Variants in TGFBI observed in about 807,000 individuals in gnomAD.
The protein encoded by TGFBI is transforming growth factor-beta-induced protein ig-h3.
A neutral mutation model predicts 73.7 loss-of-function variants in TGFBI; 50 were observed. That is an observed-to-expected ratio of 0.68 (90% confidence interval 0.54 to 0.86). The LOEUF is 0.86. Among genes scored for constraint, TGFBI ranks in the 40% least tolerant of loss-of-function variants. The pLI, the probability that TGFBI is intolerant of heterozygous loss-of-function variation, is 0.00. For synonymous variants in TGFBI, 362 were observed against 360.5 expected (o/e 1.00, Z -0.05); for missense variants, 839 against 877.0 (o/e 0.96, Z 0.55).
chr5:136,033,180 A>T (rs1438112207), intron 1 of TGFBI, among the ~76,000 whole-genome samples: 1 of 152,122 alleles, frequency 6.6e-6, no homozygotes, highest in East Asian at 1.9e-4. Flanking sequence ...ACATCAAATA[A>T]GGACCGTATC....
In TGFBI at chr5:136,052,980, C is replaced by A. The variant is rs761165775; in HGVS notation, c.987C>A (p.Thr329=). 5.6e-6 allele frequency: 9 copies of A among 1,613,978 alleles called. No individual in the cohort carries two copies. The South Asian group carries it at 8.8e-5, about 16-fold the overall frequency. Residue 329 remains threonine (T), a synonymous_variant, in exon 8 of 17, where the codon ACC becomes ACA. Transcript: ENST00000442011. ...EAIVAGLSVE[T]LEGTTLEVGC... is the part of the protein sequence containing the mutation. Reference sequence around the variant, plus strand: ...TCGTTGCGGGGCTGTCTGTAGAGACCCTGGAGGGCACGACACTGGAGGTGG... The same window carrying A: ...TCGTTGCGGGGCTGTCTGTAGAGACACTGGAGGGCACGACACTGGAGGTGG...
At chr5:136,036,847 G>A (rs1176314777) in intron 2 of TGFBI, among the ~76,000 whole-genome samples, 1 of 152,326 alleles carries the variant, frequency 6.6e-6, no homozygotes, top group African/African-American at 2.4e-5. Context: ...GAGCAGAGGT[G>A]TATGTTGGGA....
rs372638106 is a variant in TGFBI at position 136,053,139 on chromosome 5, G to C, written c.1126+20G>C. ...ACTCAGGTAGGCCAGGCCTCCGGGGGCCTTGGCCCTGCCTGGCCCACCATC... is the reference window on the plus strand; with the variant it reads ...ACTCAGGTAGGCCAGGCCTCCGGGGCCCTTGGCCCTGCCTGGCCCACCATC... On this transcript the variant is annotated intron_variant, in intron 8 of 16. Transcript: ENST00000442011. 5.5e-5 allele frequency: 88 copies of C among 1,609,516 alleles called. No individual in the cohort carries two copies. Among genetic ancestry groups the C allele is most frequent in the Non-Finnish European group, 6.9e-5 (81 of 1,176,812 alleles).
At chr5:136,058,865 G>A (rs1398216686) in intron 12 of TGFBI, 6 of 470,474 alleles carry the variant, frequency 1.3e-5, no homozygotes, top group Non-Finnish European at 2.2e-5. Flanking sequence ...TGACTGCTGG[G>A]GCAGATTTGT....
chr5:136,049,802 T>C, intron 7 of TGFBI: 1 of 516,680 alleles, frequency 1.9e-6, no homozygotes, highest in South Asian at 2.7e-5. Context: ...AGCTTTTGTC[T>C]GGGAGAGCTG....
intron 3 of TGFBI, among the ~76,000 whole-genome samples, chr5:136,045,184 A>T (rs1408040411): frequency 6.6e-6 from 1 of 152,172 alleles, no homozygotes; most frequent in Non-Finnish European, 1.5e-5. Flanking sequence ...AGAGGGGACG[A>T]TCACCTGAGC....
chr5:136,061,174 T>G, intron 14 of TGFBI: 3 of 581,798 alleles, frequency 5.2e-6, no homozygotes, highest in Non-Finnish European at 9.3e-6. Flanking sequence ...TTAGCTCCCC[T>G]CGGACACAGC....
intron 8 of TGFBI, among the ~76,000 whole-genome samples, 177 bp from the exon 9 acceptor site, chr5:136,053,766 A>G (rs1397561713): frequency 6.6e-6 from 1 of 151,948 alleles, no homozygotes; most frequent in Non-Finnish European, 1.5e-5. Flanking sequence ...GACTGGTTAG[A>G]TTTTCTAGGT....
chr5:136,043,142 G>A lies in TGFBI; in HGVS notation c.234-916G>A, dbSNP rs45512102. On this transcript the variant is annotated intron_variant, in intron 2 of 16. Coordinates refer to ENST00000442011, the MANE Select transcript of TGFBI (RefSeq NM_000358.3). ...GTTCCAGGCCTGTTGAGTAGAGGTCGTGCTCACTCCACCGAAGGTACAGGG... is the reference window on the plus strand; with the variant it reads ...GTTCCAGGCCTGTTGAGTAGAGGTCATGCTCACTCCACCGAAGGTACAGGG... Among the ~76,000 whole-genome samples the A allele has an allele frequency of 2.9e-3, 440 of 152,330 alleles. 1 individual carries two copies. The highest frequency in any genetic ancestry group is 5.5e-3 in the Non-Finnish European group (372 of 68,026).
chr5:136,038,182 G>T (rs1751264206), intron 2 of TGFBI, among the ~76,000 whole-genome samples: 1 of 152,182 alleles, frequency 6.6e-6, no homozygotes, highest in South Asian at 2.1e-4. Context: ...AGGCTGACTA[G>T]CTGACAAGGA....
chr5:136,054,158 C>T (rs769844727), intron 9 of TGFBI, 78 bp downstream of exon 9: 15 of 1,544,666 alleles, frequency 9.7e-6, no homozygotes, highest in African/African-American at 5.4e-5. Flanking sequence ...CAACACTCTC[C>T]GATTTACAGC....
chr5:136,061,435 G>A (rs928977850), intron 14 of TGFBI, 65 bp from the exon 15 acceptor site: 6 of 1,214,836 alleles, frequency 4.9e-6, no homozygotes, highest in Non-Finnish European at 7.1e-6. Context: ...CCTCAGTCAC[G>A]GTTGTTATGA....
chr5:136,047,744 G>T, intron 6 of TGFBI: 1 of 293,838 alleles, frequency 3.4e-6, no homozygotes. Flanking sequence ...TTCCCACATG[G>T]GGTACTAGAA....
At chr5:136,047,485 A>G in intron 6 of TGFBI, 65 bp downstream of exon 6, 1 of 1,595,838 alleles carries the variant, frequency 6.3e-7, no homozygotes, top group Admixed American at 1.7e-5. Context: ...GGGGCCTAGC[A>G]GGAACTCTTC....
At chr5:136,040,677 G>T (rs1349003298) in intron 2 of TGFBI, among the ~76,000 whole-genome samples, 1 of 152,232 alleles carries the variant, frequency 6.6e-6, no homozygotes, top group African/African-American at 2.4e-5. Context: ...ACTGTATCTG[G>T]CTGAGGAGAA....
chr5:136,056,623 A>T, intron 11 of TGFBI, 42 bp from the exon 12 acceptor site: 3 of 1,613,218 alleles, frequency 1.9e-6, no homozygotes, highest in Non-Finnish European at 2.5e-6. Flanking sequence ...TTTAAGGAAA[A>T]TACCTGTTGA....
chr5:136,061,037 T>C, intron 14 of TGFBI, 101 bp downstream of exon 14: 1 of 863,268 alleles, frequency 1.2e-6, no homozygotes, highest in African/African-American at 1.7e-5. Context: ...GAGAATAACA[T>C]GTAATTGTGA....
At chr5:136,030,696 C>T (rs555218128) in intron 1 of TGFBI, among the ~76,000 whole-genome samples, 1 of 152,274 alleles carries the variant, frequency 6.6e-6, no homozygotes, top group South Asian at 2.1e-4. Context: ...TTATCTCTGC[C>T]CACCTCTCCG....
intron 9 of TGFBI, 109 bp from the exon 10 acceptor site, chr5:136,054,607 T>C: frequency 6.9e-7 from 1 of 1,458,800 alleles, no homozygotes; most frequent in East Asian, 2.3e-5. Flanking sequence ...TCTCAATCCC[T>C]GTTTCCAAAC....
Sources: gnomAD v4.1 joint callset for allele counts (sites outside exome capture counted in the v4.1 genomes callset) on GRCh38, gnomAD v4.1.1 for gene constraint, MANE v1.5 for transcripts, NCBI Gene and HGNC (gene_info 2026-07-23, HGNC 2026-07-21) for gene names.